Variants in KCNK3 observed in about 807,000 individuals in gnomAD.
The protein encoded by KCNK3 is potassium two pore domain channel subfamily K member 3, also known as potassium channel subfamily K member 3.
In KCNK3, 9 loss-of-function variants were observed where a neutral mutation model predicts 27.3. That is an observed-to-expected ratio of 0.33 (90% CI 0.20 to 0.57). The LOEUF (loss-of-function observed/expected upper bound fraction) is 0.57. Ranked by LOEUF, KCNK3 falls within the 20% of genes least tolerant of loss-of-function variation. KCNK3 has a pLI of 0.87. For synonymous variants in KCNK3, 278 were observed against 273.8 expected (o/e 1.02, Z -0.15); for missense variants, 391 against 577.7 (o/e 0.68, Z 3.31).
chr2:26,692,747 C>T lies in KCNK3; in HGVS notation c.-129C>T. The stretch of plus-strand genomic sequence containing the variant: ...GGCGGCGGCGGCCCCGGGCGCTGAG[C>T]GGGTGCCCGGCGCGGAGAGCGGCGA... On this transcript the variant is annotated 5_prime_UTR_variant, in exon 1 of 2. Transcript: ENST00000302909. The surrounding 1 kb of genome is among the most constrained non-coding windows in gnomAD (Gnocchi z 5.6). 7.8e-6 allele frequency: 3 copies of T among 384,648 alleles called. No homozygotes were observed. The highest frequency in any genetic ancestry group is 1.1e-5 in the Non-Finnish European group (3 of 282,952). 23.8% of individuals were successfully genotyped at this position (384,648 alleles called of 1,614,324 possible).
intron 1 of KCNK3, among the ~76,000 whole-genome samples, chr2:26,725,940 T>A (rs1663408665): frequency 6.6e-6 from 1 of 152,198 alleles, no homozygotes; most frequent in Non-Finnish European, 1.5e-5. Flanking sequence ...GAGCCATTAT[T>A]GAGCACTTGA....
In KCNK3 at chr2:26,721,309, C is replaced by T. The variant is rs1189510193; in HGVS notation, c.284-6358C>T. Reference sequence around the variant, plus strand: ...CCAGAGAAGGTTCCCAGAAGGTTCTCGGGAAAGGCAGTGTCTGAGCTGCAT... The same window carrying T: ...CCAGAGAAGGTTCCCAGAAGGTTCTTGGGAAAGGCAGTGTCTGAGCTGCAT... On this transcript the variant is annotated intron_variant, in intron 1 of 1. Coordinates refer to ENST00000302909, the MANE Select transcript of KCNK3 (RefSeq NM_002246.3). This position sits in a 1 kb window ranked among gnomAD's most constrained non-coding sequence, Gnocchi z 4.3. 1.3e-5 allele frequency among the ~76,000 whole-genome samples: 2 copies of T among 152,048 alleles called. No individual in the cohort carries two copies. Among genetic ancestry groups the T allele is most frequent in the Admixed American group, 6.6e-5 (1 of 15,266 alleles).
intron 1 of KCNK3, among the ~76,000 whole-genome samples, chr2:26,726,335 A>G (rs1214310072): frequency 2.0e-5 from 3 of 152,142 alleles, no homozygotes; most frequent in African/African-American, 4.8e-5. Context: ...CCTAGAGGAC[A>G]GGGGGTGGTG....
At chr2:26,720,047 G>C (rs1663299933) in intron 1 of KCNK3, among the ~76,000 whole-genome samples, 1 of 152,170 alleles carries the variant, frequency 6.6e-6, no homozygotes, top group African/African-American at 2.4e-5. Flanking sequence ...TGGATCACTT[G>C]AGATCAGGAG....
At chr2:26,699,886 T>C (rs1434354346) in intron 1 of KCNK3, among the ~76,000 whole-genome samples, 1 of 152,158 alleles carries the variant, frequency 6.6e-6, no homozygotes, top group Non-Finnish European at 1.5e-5. Context: ...AAATATAAAA[T>C]GACAGCACCA....
chr2:26,703,910 ATG>A (rs1427153244), intron 1 of KCNK3, among the ~76,000 whole-genome samples: 2 of 152,152 alleles, frequency 1.3e-5, no homozygotes, highest in East Asian at 3.9e-4. Context: ...GCCCAAGGAA[ATG>A]TACTCGTGAG....
At position 26,693,090 on chromosome 2, in the gene KCNK3, A is replaced by T. The variant is rs779940782; in HGVS notation, c.215A>T (p.His72Leu). The T allele has an allele frequency of 6.2e-7, 1 of 1,602,628 alleles. No individual in the cohort carries two copies. The highest frequency in any genetic ancestry group is 8.5e-7 in the Non-Finnish European group (1 of 1,175,492). The change falls in exon 1 of 2, where the codon CAC (histidine) becomes CTC (leucine). Residue 72 changes from histidine (H) to leucine (L), a missense_variant. Physicochemically the swap from His to Leu is moderately conservative, Grantham distance 99 (BLOSUM62 -3). Coordinates refer to ENST00000302909, the MANE Select transcript of KCNK3 (RefSeq NM_002246.3). This position sits in a 1 kb window ranked among gnomAD's most constrained non-coding sequence, Gnocchi z 5.5. ...LERVVLRLKP[H>L]KAGVQWRFAG... ...CGCGTCGTGCTGCGCCTCAAGCCGC[A>T]CAAGGCCGGCGTGCAGTGGCGCTTC... is the stretch of plus-strand genomic sequence containing the variant.
intron 1 of KCNK3, among the ~76,000 whole-genome samples, chr2:26,718,956 C>T (rs535624839): frequency 7.9e-5 from 12 of 152,288 alleles, no homozygotes; most frequent in East Asian, 5.8e-4. Flanking sequence ...ATATAGAAAG[C>T]GTTGTCTCCT....
chr2:26,703,217 T>C (rs1344347879), intron 1 of KCNK3, among the ~76,000 whole-genome samples: 1 of 152,222 alleles, frequency 6.6e-6, no homozygotes, highest in Non-Finnish European at 1.5e-5. Context: ...AGTACTCTTA[T>C]GGCTTTCAAC....
intron 1 of KCNK3, among the ~76,000 whole-genome samples, chr2:26,713,102 C>T (rs969629182): frequency 5.3e-5 from 8 of 152,148 alleles, no homozygotes; most frequent in Admixed American, 6.5e-5. Context: ...CAAGGCAGGC[C>T]AGTAGGAGAG....
intron 1 of KCNK3, among the ~76,000 whole-genome samples, chr2:26,717,399 A>G (rs1225128484): frequency 6.6e-6 from 1 of 152,220 alleles, no homozygotes; most frequent in Non-Finnish European, 1.5e-5. Flanking sequence ...CTCAACAGGA[A>G]AGGCCTGGGA....
At chr2:26,709,300 A>C (rs1014001046) in intron 1 of KCNK3, among the ~76,000 whole-genome samples, 12 of 152,234 alleles carry the variant, frequency 7.9e-5, no homozygotes, top group African/African-American at 2.9e-4. Context: ...ATTGAAAGTC[A>C]TGCGCCAGAT....
chr2:26,725,139 G>A (rs768633882), intron 1 of KCNK3, among the ~76,000 whole-genome samples: 6 of 152,122 alleles, frequency 3.9e-5, no homozygotes, highest in Non-Finnish European at 8.8e-5. Flanking sequence ...CAGAGAGGGG[G>A]TGAGGGCCCC....
intron 1 of KCNK3, among the ~76,000 whole-genome samples, chr2:26,700,631 A>T (rs917634527): frequency 6.6e-6 from 1 of 152,230 alleles, no homozygotes; most frequent in South Asian, 2.1e-4. Context: ...TGTGGCTGCC[A>T]GGAATGTGGG....
Position 26,692,904 on chromosome 2 carries a change from C to A in KCNK3, c.29C>A (p.Ala10Glu), listed in dbSNP as rs1447822219. The change falls in exon 1 of 2, where the codon GCG (alanine) becomes GAG (glutamate). Residue 10 changes from alanine to glutamate, a missense_variant. Physicochemically the swap from Ala to Glu is moderately radical, Grantham distance 107. Coordinates refer to ENST00000302909, the MANE Select transcript of KCNK3 (RefSeq NM_002246.3). The surrounding 1 kb of genome is among the most constrained non-coding windows in gnomAD (Gnocchi z 5.6). MKRQNVRTL[A>E]LIVCTFTYLL... Reference sequence around the variant, plus strand: ...AAGCGGCAGAACGTGCGCACGCTGGCGCTCATCGTGTGCACCTTCACCTAC... The same window carrying A: ...AAGCGGCAGAACGTGCGCACGCTGGAGCTCATCGTGTGCACCTTCACCTAC... The A allele has an allele frequency of 6.7e-7, 1 of 1,493,834 alleles. No homozygotes were observed. The highest frequency in any genetic ancestry group is 8.9e-7 in the Non-Finnish European group (1 of 1,121,370). 92.5% of individuals were successfully genotyped at this position (1,493,834 alleles called of 1,614,324 possible).
Position 26,728,526 on chromosome 2 carries a change from G to C in KCNK3, c.1143G>C (p.Leu381=). Residue 381 remains leucine (L), a synonymous_variant, in exon 2 of 2, where the codon CTG becomes CTC. Transcript: ENST00000302909. ...ISSVSTGLHS[L]STFRGLMKRR... is the part of the protein sequence containing the mutation. ...CGGTGTCCACGGGTCTGCACAGCCT[G>C]TCCACCTTCCGCGGCCTCATGAAGC... The C allele has an allele frequency of 6.8e-7, 1 of 1,480,776 alleles. No individual in the cohort carries two copies. Among genetic ancestry groups the C allele is most frequent in the Non-Finnish European group, 9.0e-7 (1 of 1,114,430 alleles). 91.7% of individuals were successfully genotyped at this position (1,480,776 alleles called of 1,614,324 possible).
At chr2:26,711,905 G>A (rs943274955) in intron 1 of KCNK3, among the ~76,000 whole-genome samples, 1 of 152,122 alleles carries the variant, frequency 6.6e-6, no homozygotes, top group South Asian at 2.1e-4. Context: ...AGCTGCAGCT[G>A]GGGGGAGCTG....
At chr2:26,715,545 C>T (rs912191189) in intron 1 of KCNK3, among the ~76,000 whole-genome samples, 4 of 152,220 alleles carry the variant, frequency 2.6e-5, no homozygotes, top group Non-Finnish European at 5.9e-5. Context: ...TCCTGGTCTC[C>T]TGCATGAGAT....
intron 1 of KCNK3, among the ~76,000 whole-genome samples, chr2:26,694,318 T>G (rs1325878652): frequency 6.6e-6 from 1 of 152,202 alleles, no homozygotes; most frequent in Non-Finnish European, 1.5e-5. Context: ...TTCCTCTGTC[T>G]TTACTGTTCC....
Sources: allele counts gnomAD v4.1 joint callset (sites outside exome capture counted in the v4.1 genomes callset), GRCh38; gene constraint gnomAD v4.1.1; non-coding constraint Gnocchi (gnomAD v3.1); transcripts MANE v1.5; gene names NCBI Gene and HGNC (gene_info 2026-07-23, HGNC 2026-07-21).